The following ZFYVE26 variants were observed in gnomAD, a reference collection of about 807,000 sequenced individuals.
ZFYVE26 encodes the protein zinc finger FYVE domain-containing protein 26.
In ZFYVE26, 181 loss-of-function variants were observed where a neutral mutation model predicts 276.5. The observed-to-expected ratio is 0.65, with a 90% confidence interval of 0.58 to 0.74. ZFYVE26 has a LOEUF of 0.74. ZFYVE26 is among the 30% of genes least tolerant of loss of function. The probability of loss-of-function intolerance (pLI) is 0.00; values close to 1 mark genes in which losing one functional copy is unlikely to be tolerated. For synonymous variants in ZFYVE26, 1,129 were observed against 1,203.1 expected (o/e 0.94, Z 1.27); for missense variants, 2,821 against 3,097.9 (o/e 0.91, Z 2.12).
At position 67,766,348 on chromosome 14, in the gene ZFYVE26, C is replaced by T. The variant is rs1389256600; in HGVS notation, c.5890G>A (p.Gly1964Ser). The T allele has an allele frequency of 1.2e-6, 2 of 1,613,142 alleles. No homozygotes were observed. The highest frequency in any genetic ancestry group is 2.7e-5 in the African/African-American group (2 of 74,894). Residue 1964 changes from glycine (G) to serine (S), a missense_variant, in exon 32 of 42, where the codon GGC becomes AGC. By Grantham distance (56) the Gly-to-Ser change is moderately conservative. Transcript: ENST00000347230. The stretch of plus-strand genomic sequence containing the variant: ...GCATCCACCTCTGGGTTGGTGAGGC[C>T]CTTGGAGAGCCTGCAGCAGTGCTCA... ...LIEHCCRLSK[G>S]LTNPEVDAGL... is the part of the protein sequence containing the mutation.
rs780669250 is a variant in ZFYVE26, at chr14:67,766,363, A to C, written c.5875T>G (p.Cys1959Gly). 119 of 1,612,962 alleles carry C rather than the reference A, an allele frequency of 7.4e-5. No individual in the cohort carries two copies. Among genetic ancestry groups the C allele is most frequent in the Non-Finnish European group, 9.8e-5 (116 of 1,180,022 alleles). Residue 1959 changes from cysteine to glycine, a missense_variant, in exon 32 of 42, where the codon TGC becomes GGC. Cys to Gly is a radical substitution (Grantham distance 159, BLOSUM62 -3). Transcript: ENST00000347230. ...ACGHQLIEHCCRLSKGLTNPE... is the reference protein window; with the variant it reads ...ACGHQLIEHCGRLSKGLTNPE... The stretch of plus-strand genomic sequence containing the variant: ...TTGGTGAGGCCCTTGGAGAGCCTGC[A>C]GCAGTGCTCAATCAGCTGGTGACCA...
At position 67,785,904 on chromosome 14, in the gene ZFYVE26, C is replaced by T; in HGVS notation, c.3258G>A (p.Gln1086=). 1 of 1,614,170 alleles carries T rather than the reference C, an allele frequency of 6.2e-7. No individual in the cohort carries two copies. Among genetic ancestry groups the T allele is most frequent in the Non-Finnish European group, 8.5e-7 (1 of 1,180,036 alleles). The change falls in exon 18 of 42, where the codon CAG becomes CAA. Residue 1086 remains glutamine, a synonymous_variant. Coordinates refer to ENST00000347230, the MANE Select transcript of ZFYVE26 (RefSeq NM_015346.4). ...TCAGTGACTGAAGGACCTGATCTAGCTGCTGGGAGAGGGTGGTGTGGCTGG... is the reference window on the plus strand; with the variant it reads ...TCAGTGACTGAAGGACCTGATCTAGTTGCTGGGAGAGGGTGGTGTGGCTGG... ...CVASHTTLSQ[Q]LDQVLQSLRE... is the part of the protein sequence containing the mutation.
In ZFYVE26 at chr14:67,793,647, T is replaced by G; in HGVS notation, c.2514A>C (p.Ala838=). The change falls in exon 14 of 42, where the codon GCA becomes GCC. Residue 838 remains alanine, a synonymous_variant. Transcript: ENST00000347230. The part of the protein sequence containing the change: ...MMFSPPESLL[A]SCILRGNFAE... The stretch of plus-strand genomic sequence containing the variant: ...CGAAGTTCCCGCGAAGGATGCAGGA[T>G]GCCAGCAGTGACTCAGGTGGGGAGA... 2 of 1,613,810 alleles carry G rather than the reference T, an allele frequency of 1.2e-6. No homozygotes were observed. The highest frequency in any genetic ancestry group is 2.2e-5 in the East Asian group (1 of 44,854).
rs868606135 is a variant in ZFYVE26 at position 67,751,057 on chromosome 14, T to C, written c.7411A>G (p.Asn2471Asp). The C allele has an allele frequency of 2.5e-5, 40 of 1,614,220 alleles. No individual in the cohort carries two copies. In the Middle Eastern group the frequency reaches 5.9e-3, roughly 240 times the overall value. Reference protein sequence around the residue: ...GLIQAIHNDDNKVRAYLICCK... With the variant: ...GLIQAIHNDDDKVRAYLICCK... ...TTGGAGACAATTCCGCTCACCTTGTTGTCATCATTGTGTATTGCCTGGATC... is the reference window on the plus strand; with the variant it reads ...TTGGAGACAATTCCGCTCACCTTGTCGTCATCATTGTGTATTGCCTGGATC... The change falls in exon 41 of 42, where the codon AAC (asparagine) becomes GAC (aspartate). Residue 2471 changes from asparagine (N) to aspartate (D), a missense_variant. Physicochemically the swap from Asn to Asp is conservative, Grantham distance 23 (BLOSUM62 1). Transcript: ENST00000347230.
intron 35 of ZFYVE26, among the ~76,000 whole-genome samples, chr14:67,757,179 T>C (rs187261127): frequency 3.9e-4 from 59 of 152,310 alleles, no homozygotes; most frequent in African/African-American, 1.3e-3. Context: ...GACTCCTCCC[T>C]GGTCTATCAG....
At chr14:67,777,850 C>T in intron 24 of ZFYVE26, 115 bp from the exon 25 acceptor site, 2 of 1,340,662 alleles carry the variant, frequency 1.5e-6, no homozygotes, top group South Asian at 2.5e-5. Context: ...AACCCTTTCT[C>T]TATACTCCTT....
rs781693159 is a variant in ZFYVE26, at chr14:67,783,127, CG to C, written c.4024del (p.Arg1342AlafsTer11). 1.9e-6 allele frequency: 3 copies of C among 1,608,414 alleles called. No individual in the cohort carries two copies. Among genetic ancestry groups the C allele is most frequent in the Non-Finnish European group, 2.6e-6 (3 of 1,176,086 alleles). The part of the protein sequence containing the change: ...PSLSWKELRG[R>X]REVPLAAEQV... ...CTCTGCAGCCAGAGGCACCTCCCTG[CG>C]GCCACGAAGTTCCTTCCATGACAAG... On this transcript the variant is annotated frameshift_variant, in exon 21 of 42. Coordinates refer to ENST00000347230, the MANE Select transcript of ZFYVE26 (RefSeq NM_015346.4). LOFTEE classifies it high-confidence loss of function.
In ZFYVE26 at chr14:67,785,872, G is replaced by A; in HGVS notation, c.3290C>T (p.Ala1097Val). The change falls in exon 18 of 42, where the codon GCA becomes GTA. Residue 1097 changes from alanine to valine, a missense_variant. Ala to Val is a moderately conservative substitution (Grantham distance 64, BLOSUM62 0). Coordinates refer to ENST00000347230, the MANE Select transcript of ZFYVE26 (RefSeq NM_015346.4). The part of the protein sequence containing the change: ...LDQVLQSLRE[A>V]LELPEPRTPP... ...CAGCCTTATACCTGGCAGCTCTAGT[G>A]CCTCTCTCAGTGACTGAAGGACCTG... The A allele has an allele frequency of 1.9e-6, 3 of 1,614,080 alleles. No individual in the cohort carries two copies. The highest frequency in any genetic ancestry group is 2.5e-6 in the Non-Finnish European group (3 of 1,180,032).
intron 6 of ZFYVE26, 86 bp downstream of exon 6, chr14:67,806,459 C>T: frequency 6.4e-7 from 1 of 1,567,790 alleles, no homozygotes. Flanking sequence ...TTATGGTGGC[C>T]AAATGAGTGG....
intron 10 of ZFYVE26, chr14:67,799,060 C>T (rs2040026085): frequency 7.6e-6 from 9 of 1,186,352 alleles, no homozygotes; most frequent in South Asian, 2.4e-5. Flanking sequence ...GAGCAGTGTA[C>T]GATGAGCAGG....
chr14:67,772,129 G>C lies in ZFYVE26; in HGVS notation c.5402C>G (p.Ala1801Gly). ...CCACTGGTGCCTGGCAGGGGGTGTC[G>C]CTGGGGGCACAAATTCCTGTGAGGG... is the stretch of plus-strand genomic sequence containing the variant. Reference protein sequence around the residue: ...TQPSQEFVPPATPPARHQWVP... With the variant: ...TQPSQEFVPPGTPPARHQWVP... Residue 1801 changes from alanine (A) to glycine (G), a missense_variant, in exon 28 of 42, where the codon GCG becomes GGG. Ala to Gly is a moderately conservative substitution (Grantham distance 60). Transcript: ENST00000347230. The C allele has an allele frequency of 3.1e-6, 5 of 1,612,916 alleles. No homozygotes were observed. Among genetic ancestry groups the C allele is most frequent in the Non-Finnish European group, 4.2e-6 (5 of 1,179,686 alleles).
At chr14:67,800,152 T>C (rs543902788) in intron 10 of ZFYVE26, among the ~76,000 whole-genome samples, 14 of 152,224 alleles carry the variant, frequency 9.2e-5, no homozygotes, top group Non-Finnish European at 1.8e-4. Context: ...GAGTTGTATA[T>C]GATTAAATAA....
At chr14:67,774,133 A>C (rs1371189316) in intron 27 of ZFYVE26, among the ~76,000 whole-genome samples, 1 of 152,230 alleles carries the variant, frequency 6.6e-6, no homozygotes, top group Admixed American at 6.5e-5. Flanking sequence ...TCATTTGCAA[A>C]CACATGCGGT....
chr14:67,737,888 T>A (rs530738929), intron 13 of ZFYVE26, among the ~76,000 whole-genome samples: 1 of 152,148 alleles, frequency 6.6e-6, no homozygotes, highest in African/African-American at 2.4e-5. Context: ...AACTTCTACT[T>A]CTCAATAAGA....
intron 13 of ZFYVE26, among the ~76,000 whole-genome samples, chr14:67,731,471 T>C (rs914070890): frequency 3.3e-5 from 5 of 152,014 alleles, no homozygotes; most frequent in African/African-American, 1.2e-4. Flanking sequence ...CACCTCAGCC[T>C]CCCAAAGTGC....
rs1594931740 is a variant in ZFYVE26, at chr14:67,799,462, C to T, written c.1640-840G>A. On this transcript the variant is annotated intron_variant, in intron 10 of 41. Transcript: ENST00000347230. ...GAAAGGAGTTGGGGCTTGATGAAGG[C>T]GTGGATAGCCTGAAGGCAGCCATTC... 7 of 1,611,184 alleles carry T rather than the reference C, an allele frequency of 4.3e-6. No individual in the cohort carries two copies. In the East Asian group the frequency reaches 1.3e-4, roughly 31 times the overall value.
Position 67,755,181 on chromosome 14 carries a change from C to T in ZFYVE26, c.6856G>A (p.Gly2286Arg). The part of the protein sequence containing the change: ...SHKAKSYTEL[G>R]EKLSWLLKAK... ...TTAAGTAGCCATGAGAGCTTCTCTC[C>T]CAGTTCTGTATATGACTTTGCTTTG... The change falls in exon 37 of 42, where the codon GGA (glycine) becomes AGA (arginine). Residue 2286 changes from glycine to arginine, a missense_variant. Gly to Arg is a moderately radical substitution (Grantham distance 125). Transcript: ENST00000347230. 1 of 1,614,156 alleles carries T rather than the reference C, an allele frequency of 6.2e-7. No individual in the cohort carries two copies. The highest frequency in any genetic ancestry group is 8.5e-7 in the Non-Finnish European group (1 of 1,180,038).
At position 67,753,687 on chromosome 14, in the gene ZFYVE26, T is replaced by C. The variant is rs764741317; in HGVS notation, c.7188+20A>G. On this transcript the variant is annotated intron_variant, in intron 39 of 41. Coordinates refer to ENST00000347230, the MANE Select transcript of ZFYVE26 (RefSeq NM_015346.4). The stretch of plus-strand genomic sequence containing the variant: ...AGGTGCTGATTGTCCTCAGTATGAT[T>C]TGAATGATCCAAGTCATACCTGCAG... 1.9e-6 allele frequency: 3 copies of C among 1,612,230 alleles called. No homozygotes were observed. Among genetic ancestry groups the C allele is most frequent in the Admixed American group, 3.3e-5 (2 of 59,910 alleles).
chr14:67,799,918 G>C (rs978657152), intron 10 of ZFYVE26, among the ~76,000 whole-genome samples: 2 of 152,152 alleles, frequency 1.3e-5, no homozygotes, highest in African/African-American at 4.8e-5. Context: ...ACTCTATCTA[G>C]GATGTGGTTC....
Sources: allele counts gnomAD v4.1 joint callset (sites outside exome capture counted in the v4.1 genomes callset), GRCh38; gene constraint gnomAD v4.1.1; transcripts MANE v1.5; gene names NCBI Gene and HGNC (gene_info 2026-07-23, HGNC 2026-07-21).